Variants in KCNH7 observed in about 807,000 individuals in gnomAD.
KCNH7 encodes the protein potassium voltage-gated channel subfamily H member 7.
Under a neutral mutation model 120.8 loss-of-function variants are expected in KCNH7, and 49 were observed. The observed-to-expected ratio is 0.41, with a 90% confidence interval of 0.32 to 0.51. KCNH7 has a LOEUF of 0.51. Among genes scored for constraint, KCNH7 ranks in the 20% least tolerant of loss-of-function variants. The pLI, the probability that KCNH7 is intolerant of heterozygous loss-of-function variation, is 0.38. For synonymous variants in KCNH7, 547 were observed against 516.1 expected, an observed-to-expected ratio of 1.06 and a Z score of -0.81; for missense variants, 1,097 against 1,446.6, an observed-to-expected ratio of 0.76 and a Z score of 3.92.
At chr2:162,730,869 G>A (rs955696954) in intron 2 of KCNH7, among the ~76,000 whole-genome samples, 7 of 151,870 alleles carry the variant, frequency 4.6e-5, no homozygotes, top group African/African-American at 1.7e-4. Flanking sequence ...AAAGAAGAAA[G>A]GAAAGCAGAA....
intron 2 of KCNH7, among the ~76,000 whole-genome samples, chr2:162,584,426 A>C (rs1693963173): frequency 6.6e-6 from 1 of 152,152 alleles, no homozygotes; most frequent in Non-Finnish European, 1.5e-5. Context: ...TGAGAAATGT[A>C]CCAATATCTC....
At chr2:162,711,927 G>A (rs1308978218) in intron 2 of KCNH7, among the ~76,000 whole-genome samples, 2 of 151,846 alleles carry the variant, frequency 1.3e-5, no homozygotes, top group African/African-American at 2.4e-5. Flanking sequence ...GGATAAAGAG[G>A]GAGAAAATGA....
At chr2:162,748,137 G>A (rs1348366631) in intron 2 of KCNH7, among the ~76,000 whole-genome samples, 1 of 152,174 alleles carries the variant, frequency 6.6e-6, no homozygotes, top group Non-Finnish European at 1.5e-5. Context: ...ACTTGCAGAA[G>A]GGAAAGGCAA....
intron 2 of KCNH7, among the ~76,000 whole-genome samples, chr2:162,595,032 C>A (rs1204671970): frequency 6.6e-6 from 1 of 152,006 alleles, no homozygotes; most frequent in African/African-American, 2.4e-5. Context: ...TTCTCACACC[C>A]AAGACTGGCT....
chr2:162,579,157 G>A (rs917868139), intron 2 of KCNH7, among the ~76,000 whole-genome samples: 2 of 151,966 alleles, frequency 1.3e-5, no homozygotes, highest in Non-Finnish European at 2.9e-5. Context: ...GCAAGCCAAG[G>A]CATCTCTTAC....
At chr2:162,748,067 T>C (rs1440327705) in intron 2 of KCNH7, among the ~76,000 whole-genome samples, 1 of 152,218 alleles carries the variant, frequency 6.6e-6, no homozygotes, top group Non-Finnish European at 1.5e-5. Context: ...TAAATAAGAA[T>C]ATTTTACAAT....
chr2:162,656,888 A>C (rs557762883), intron 2 of KCNH7, among the ~76,000 whole-genome samples: 1 of 152,340 alleles, frequency 6.6e-6, no homozygotes, highest in South Asian at 2.1e-4. Context: ...ACTACAGATA[A>C]GAAAAATGAG....
At position 162,780,148 on chromosome 2, in the gene KCNH7, A is replaced by T. The variant is rs1174453827; in HGVS notation, c.307+56389T>A. On this transcript the variant is annotated intron_variant, in intron 2 of 15. Coordinates refer to ENST00000332142, the MANE Select transcript of KCNH7 (RefSeq NM_033272.4). ...TGCCAGAAAAGTAATTCCCTTCCTT[A>T]AAGGTAAAAATAGTCAGTAGTAATC... is the stretch of plus-strand genomic sequence containing the variant. 3.3e-5 allele frequency among the ~76,000 whole-genome samples: 5 copies of T among 152,168 alleles called. No homozygotes were observed. The South Asian group carries it at 8.3e-4, about 25-fold the overall frequency.
In KCNH7 at chr2:162,384,921, G is replaced by A. The variant is rs1686531327; in HGVS notation, c.2729C>T (p.Pro910Leu). 6.2e-7 allele frequency: 1 copy of A among 1,608,814 alleles called. No individual in the cohort carries two copies. The highest frequency in any genetic ancestry group is 1.7e-5 in the Admixed American group (1 of 59,438). Residue 910 changes from proline (P) to leucine (L), a missense_variant, in exon 13 of 16, where the codon CCT (proline) becomes CTT (leucine). Physicochemically the swap from Pro to Leu is moderately conservative, Grantham distance 98. Around this residue, in one of 8 missense-constraint regions of KCNH7, gnomAD observed 406 missense variants for 410.5 expected, o/e 0.99. Transcript: ENST00000332142. The stretch of plus-strand genomic sequence containing the variant: ...TCTTATGGTATCTGCAGAGTCTTCA[G>A]GATCATTTGTACTGTTTTCTTTGCC... Reference protein sequence around the residue: ...EGEKENSTNDPEDSADTIRHY... With the variant: ...EGEKENSTNDLEDSADTIRHY...
chr2:162,629,001 T>C (rs1683660108), intron 2 of KCNH7, among the ~76,000 whole-genome samples: 1 of 151,990 alleles, frequency 6.6e-6, no homozygotes, highest in South Asian at 2.1e-4. Flanking sequence ...GCATAGAGGA[T>C]TGGGACAAGG....
chr2:162,632,191 T>G (rs1021662851), intron 2 of KCNH7, among the ~76,000 whole-genome samples: 11 of 151,960 alleles, frequency 7.2e-5, no homozygotes, highest in Admixed American at 7.2e-4. Context: ...GTTTAACAAA[T>G]TCAACAGCTT....
At chr2:162,497,070 T>A (rs765147327) in intron 6 of KCNH7, 1 of 152,182 alleles carries the variant, frequency 6.6e-6, no homozygotes, top group Non-Finnish European at 1.5e-5. Context: ...TTTTAAACAT[T>A]AGCTAAGAAG....
At chr2:162,507,688 G>T (rs972433297) in intron 5 of KCNH7, among the ~76,000 whole-genome samples, 3 of 151,468 alleles carry the variant, frequency 2.0e-5, no homozygotes, top group Non-Finnish European at 3.0e-5. Flanking sequence ...ATCACAGAAG[G>T]TATCATTTTG....
chr2:162,664,874 G>T (rs1685083277), intron 2 of KCNH7, among the ~76,000 whole-genome samples: 1 of 152,058 alleles, frequency 6.6e-6, no homozygotes, highest in Admixed American at 6.5e-5. Context: ...TGGCTGATCT[G>T]GCTTCCCAGC....
intron 2 of KCNH7, among the ~76,000 whole-genome samples, chr2:162,761,108 CAT>C (rs1688952824): frequency 6.6e-6 from 1 of 152,096 alleles, no homozygotes; most frequent in Non-Finnish European, 1.5e-5. Context: ...CTCTTCTGGT[CAT>C]ATGACACATA....
chr2:162,511,178 T>A (rs1300420005), intron 5 of KCNH7, among the ~76,000 whole-genome samples: 1 of 151,682 alleles, frequency 6.6e-6, no homozygotes, highest in Non-Finnish European at 1.5e-5. Flanking sequence ...AATGAATTGT[T>A]TTATGACACT....
intron 2 of KCNH7, among the ~76,000 whole-genome samples, chr2:162,584,416 T>C (rs922478414): frequency 2.0e-5 from 3 of 152,160 alleles, no homozygotes; most frequent in Non-Finnish European, 4.4e-5. Context: ...GATATTAGTC[T>C]GAGAAATGTA....
At chr2:162,491,410 A>T (rs900002634) in intron 6 of KCNH7, among the ~76,000 whole-genome samples, 3 of 152,126 alleles carry the variant, frequency 2.0e-5, no homozygotes, top group Middle Eastern at 3.4e-3. Context: ...ACCCCAATTC[A>T]CGGGACTCCC....
At chr2:162,593,714 G>A (rs1203492591) in intron 2 of KCNH7, among the ~76,000 whole-genome samples, 2 of 151,822 alleles carry the variant, frequency 1.3e-5, no homozygotes, top group African/African-American at 4.8e-5. Context: ...GAACCTATTT[G>A]ACATTTTGTA....
Sources: gnomAD v4.1 joint callset for allele counts (sites outside exome capture counted in the v4.1 genomes callset) on GRCh38, gnomAD v4.1.1 for gene constraint, gnomAD v4.1.1 regional missense constraint, MANE v1.5 for transcripts, NCBI Gene and HGNC (gene_info 2026-07-23, HGNC 2026-07-21) for gene names.